The following SHROOM4 variants were observed in gnomAD, a reference collection of about 807,000 sequenced individuals.
The protein encoded by SHROOM4 is shroom family member 4, also known as protein Shroom4.
In SHROOM4, 17 loss-of-function variants were observed where a neutral mutation model predicts 80.3. The observed-to-expected ratio is 0.21, with a 90% CI of 0.14 to 0.32. The LOEUF is 0.32. SHROOM4 is among the 10% of genes least tolerant of loss of function. The pLI, the probability that SHROOM4 is intolerant of heterozygous loss-of-function variation, is 1.00. For missense variants in SHROOM4, 993 were observed against 1,140.3 expected (o/e 0.87, Z 1.86); for synonymous variants, 400 against 437.5 (o/e 0.91, Z 1.07).
the SHROOM4 span, among the ~76,000 whole-genome samples, chrX:50,580,366 A>G: frequency 2.7e-5 from 3 of 112,309 alleles, no homozygotes; most frequent in Non-Finnish European, 5.6e-5. Context: ...TGCTTCAAGG[A>G]CCACACTTTG....
chrX:50,801,291 A>AGAGAGAGAGAGAGAGAGAGAG (rs782711842), intron 1 of SHROOM4, among the ~76,000 whole-genome samples: 6 of 103,507 alleles, frequency 5.8e-5, no homozygotes, highest in Non-Finnish European at 7.9e-5. Context: ...AGAGAGAGAG[A>AGAGAGAGAGAGAGAGAGAGAG]ACACGTACTG....
At chrX:50,584,326 A>G (rs1557244579), downstream of SHROOM4, among the ~76,000 whole-genome samples, 1 of 112,654 alleles carries the variant, frequency 8.9e-6, no homozygotes, top group African/African-American at 3.2e-5. Flanking sequence ...TCAAAGCCAA[A>G]GCTATAAATG....
At chrX:50,652,606 T>C (rs782267922) in intron 2 of SHROOM4, among the ~76,000 whole-genome samples, 6 of 112,353 alleles carry the variant, frequency 5.3e-5, no homozygotes, top group Non-Finnish European at 9.4e-5. Context: ...TTGGCTTCTG[T>C]TGCCATTGCT....
At chrX:50,765,766 G>A (rs1437283270) in intron 1 of SHROOM4, among the ~76,000 whole-genome samples, 1 of 111,574 alleles carries the variant, frequency 9.0e-6, no homozygotes, top group Admixed American at 9.5e-5. Flanking sequence ...GACATGAACT[G>A]GCCGAGAAAT....
At chrX:50,606,568 T>C (rs1197995818) in intron 6 of SHROOM4, among the ~76,000 whole-genome samples, 1 of 108,019 alleles carries the variant, frequency 9.3e-6, no homozygotes, top group Non-Finnish European at 1.9e-5. Context: ...TCCTGGGGCT[T>C]TTGCTTTGGA....
At chrX:50,724,935 C>T (rs141603825) in intron 1 of SHROOM4, among the ~76,000 whole-genome samples, 2,855 of 111,959 alleles carry the variant, frequency 0.026, 47 homozygotes, top group Middle Eastern at 0.046. Context: ...ATGAGGAGCT[C>T]GGTGGATCCT....
chrX:50,598,951 A>G (rs1380742119), intron 7 of SHROOM4, among the ~76,000 whole-genome samples: 1 of 110,087 alleles, frequency 9.1e-6, no homozygotes. Flanking sequence ...TCGGCCTCCT[A>G]AGTAGCTGAG....
chrX:50,659,150 T>C (rs1932413117), intron 2 of SHROOM4, among the ~76,000 whole-genome samples: 1 of 111,234 alleles, frequency 9.0e-6, no homozygotes, highest in African/African-American at 3.3e-5. Context: ...GGGTAGGATA[T>C]ATGAGGAAGA....
chrX:50,779,085 G>A (rs1305219030), intron 1 of SHROOM4, among the ~76,000 whole-genome samples: 1 of 111,985 alleles, frequency 8.9e-6, no homozygotes, highest in Non-Finnish European at 1.9e-5. Context: ...CAAAACTTAG[G>A]CCACTAATAA....
intron 7 of SHROOM4, among the ~76,000 whole-genome samples, chrX:50,598,972 C>A (rs1159439700): frequency 9.3e-6 from 1 of 107,828 alleles, no homozygotes; most frequent in Non-Finnish European, 1.9e-5. Flanking sequence ...GTTACAGGTG[C>A]ATGTCATGGA....
At chrX:50,635,776 A>T in intron 3 of SHROOM4, 108 bp from the exon 4 acceptor site, 11 of 608,575 alleles carry the variant, frequency 1.8e-5, no homozygotes, top group Non-Finnish European at 2.6e-5. Context: ...AGAGGAGGGT[A>T]GGCAAAAAAA....
At chrX:50,618,301 T>C (rs868924437) in intron 5 of SHROOM4, among the ~76,000 whole-genome samples, 94 of 410 alleles carry the variant, frequency 0.23, 3 homozygotes, top group African/African-American at 0.33. Context: ...CCTTCCTTCC[T>C]TCCTTCCTTC....
intron 1 of SHROOM4, among the ~76,000 whole-genome samples, chrX:50,791,163 C>T (rs1323525692): frequency 2.7e-5 from 3 of 110,667 alleles, no homozygotes; most frequent in Non-Finnish European, 5.7e-5. Flanking sequence ...TTTCTATACA[C>T]TAACAATGTA....
chrX:50,793,312 G>C (rs1935890139), intron 1 of SHROOM4, among the ~76,000 whole-genome samples: 1 of 109,799 alleles, frequency 9.1e-6, no homozygotes, highest in Admixed American at 9.8e-5. Flanking sequence ...GCTATTCAAG[G>C]GGTATAAAGT....
intron 2 of SHROOM4, among the ~76,000 whole-genome samples, chrX:50,668,012 C>T (rs1428774035): frequency 8.9e-6 from 1 of 111,809 alleles, no homozygotes; most frequent in Non-Finnish European, 1.9e-5. Context: ...CACCCTCATG[C>T]CAATGAAGGC....
chrX:50,578,728 C>G, the SHROOM4 span, among the ~76,000 whole-genome samples: 2 of 112,253 alleles, frequency 1.8e-5, no homozygotes, highest in Admixed American at 1.9e-4. Context: ...GCATGAGCCC[C>G]TGTGCCCAGC....
In SHROOM4 at chrX:50,603,764, T is replaced by C. The variant is rs555624098; in HGVS notation, c.3762-951A>G. On this transcript the variant is annotated intron_variant, in intron 6 of 8. Transcript: ENST00000376020. ...AAAAAAAGTAGTTCTGGTTCCATGC[T>C]GGCTTGGGTTTGGCCTCTTCTGCCA... is the stretch of plus-strand genomic sequence containing the variant. Among the ~76,000 whole-genome samples, 22 of 112,270 alleles carry C rather than the reference T, an allele frequency of 2.0e-4. No homozygotes were observed. The South Asian group carries it at 7.1e-3, about 36-fold the overall frequency.
At chrX:50,636,265 TCA>T (rs1270580704) in intron 3 of SHROOM4, among the ~76,000 whole-genome samples, 1 of 110,529 alleles carries the variant, frequency 9.0e-6, no homozygotes, top group African/African-American at 3.3e-5. Flanking sequence ...CATCCAGCAA[TCA>T]CACTTTTGAG....
In SHROOM4 at chrX:50,595,957, G is replaced by T. The variant is rs1557246455; in HGVS notation, c.*738C>A. ...GTGAAGCCCTGGGGTAGGCACCTGC[G>T]GTAACCCCCAGCAATGTAAAGGAAA... On this transcript the variant is annotated 3_prime_UTR_variant, in exon 9 of 9. Transcript: ENST00000376020. 6.1e-6 allele frequency: 2 copies of T among 328,442 alleles called. No homozygotes were observed. The highest frequency in any genetic ancestry group is 5.2e-5 in the South Asian group (2 of 38,389). 27.1% of individuals were successfully genotyped at this position (328,442 alleles called of 1,213,427 possible).
Sources: gnomAD v4.1 joint callset for allele counts (sites outside exome capture counted in the v4.1 genomes callset) on GRCh38, gnomAD v4.1.1 for gene constraint, MANE v1.5 for transcripts, NCBI Gene and HGNC (gene_info 2026-07-23, HGNC 2026-07-21) for gene names.